Variants in DTL observed in about 807,000 individuals in gnomAD.
DTL encodes denticleless E3 ubiquitin protein ligase adapter.
In DTL, 46 loss-of-function variants were observed where a neutral mutation model predicts 87.0. The observed-to-expected ratio is 0.53, with a 90% CI of 0.42 to 0.68. The LOEUF (loss-of-function observed/expected upper bound fraction) is 0.68, where lower values mean the gene tolerates loss of function less well. Among genes scored for constraint, DTL ranks in the 30% least tolerant of loss-of-function variants. The pLI is 0.00. For synonymous variants in DTL, 308 were observed against 311.2 expected (o/e 0.99, Z 0.11); for missense variants, 737 against 869.4 (o/e 0.85, Z 1.91).
intron 12 of DTL, among the ~76,000 whole-genome samples, chr1:212,080,091 T>C (rs1236950672): frequency 6.6e-6 from 1 of 152,210 alleles, no homozygotes; most frequent in Non-Finnish European, 1.5e-5. Context: ...ATTGCTCCTC[T>C]ACCTATCTGA....
rs766301691 is a variant in DTL at position 212,042,999 on chromosome 1, C to T, written c.59C>T (p.Ser20Phe). 10 of 1,601,710 alleles carry T rather than the reference C, an allele frequency of 6.2e-6. No homozygotes were observed. Among genetic ancestry groups the T allele is most frequent in the Non-Finnish European group, 8.5e-6 (10 of 1,174,948 alleles). The change falls in exon 2 of 15, where the codon TCT becomes TTT. Residue 20 changes from serine to phenylalanine, a missense_variant. By Grantham distance (155) the Ser-to-Phe change is radical. Transcript: ENST00000366991. ...PQLGVLRNGW[S>F]SQYPLQSLLT... ...AGGAATTATCTTGTTTTAGGATGGT[C>T]TTCACAATACCCTCTTCAATCCCTT... is the stretch of plus-strand genomic sequence containing the variant.
intron 13 of DTL, among the ~76,000 whole-genome samples, chr1:212,091,817 A>T (rs536640938): frequency 3.9e-5 from 6 of 152,358 alleles, no homozygotes; most frequent in Non-Finnish European, 8.8e-5. Flanking sequence ...TTACCACAAA[A>T]ATATATGAAG....
intron 13 of DTL, among the ~76,000 whole-genome samples, chr1:212,083,569 GTAA>G (rs1407480241): frequency 6.6e-6 from 1 of 152,160 alleles, no homozygotes; most frequent in Non-Finnish European, 1.5e-5. Flanking sequence ...CCAGGTATTG[GTAA>G]TAATAAGGTA....
chr1:212,102,993 T>C lies in DTL; in HGVS notation c.*53T>C. Reference sequence around the variant, plus strand: ...TTGGTCCACTAAAACAAGCTGAGCTTTGGTCCACTAAAACAAGATGAAAAA... The same window carrying C: ...TTGGTCCACTAAAACAAGCTGAGCTCTGGTCCACTAAAACAAGATGAAAAA... On this transcript the variant is annotated 3_prime_UTR_variant, in exon 15 of 15. Coordinates refer to ENST00000366991, the MANE Select transcript of DTL (RefSeq NM_016448.4). The C allele has an allele frequency of 9.4e-7, 1 of 1,068,752 alleles. No individual in the cohort carries two copies. Among genetic ancestry groups the C allele is most frequent in the Non-Finnish European group, 1.4e-6 (1 of 713,000 alleles). 66.2% of individuals were successfully genotyped at this position (1,068,752 alleles called of 1,614,324 possible). A position where few individuals can be genotyped will look rare whatever the true frequency, so the allele number is the denominator to read the frequency against.
Position 212,101,099 on chromosome 1 carries a change from G to T in DTL, c.2094+15G>T. The T allele has an allele frequency of 6.4e-7, 1 of 1,560,978 alleles. No homozygotes were observed. Among genetic ancestry groups the T allele is most frequent in the South Asian group, 1.2e-5 (1 of 82,880 alleles). On this transcript the variant is annotated intron_variant, in intron 14 of 14. Coordinates refer to ENST00000366991, the MANE Select transcript of DTL (RefSeq NM_016448.4). Reference sequence around the variant, plus strand: ...TGCCAAGCCCGGTAAGTCAGCAGTGGTGGGAAGATACATTTCCTAACTTAA... The same window carrying T: ...TGCCAAGCCCGGTAAGTCAGCAGTGTTGGGAAGATACATTTCCTAACTTAA...
chr1:212,047,902 C>G (rs891501539), intron 5 of DTL, among the ~76,000 whole-genome samples: 1 of 152,224 alleles, frequency 6.6e-6, no homozygotes, highest in Non-Finnish European at 1.5e-5. Flanking sequence ...GCCCACTCTT[C>G]TGGACATTAT....
rs1208247948 is a variant in DTL at position 212,103,203 on chromosome 1, A to G, written c.*263A>G. The G allele has an allele frequency of 1.3e-5, 3 of 224,452 alleles. No individual in the cohort carries two copies. The highest frequency in any genetic ancestry group is 2.6e-5 in the Non-Finnish European group (3 of 115,860). The allele number at this position is 224,452 out of a possible 1,614,324, so 13.9% of individuals were successfully genotyped here. ...TTTGTCACTCTAGCATTTTGAATGA[A>G]TAGTCTTCACTTTTTAAATTATTCA... On this transcript the variant is annotated 3_prime_UTR_variant, in exon 15 of 15. Coordinates refer to ENST00000366991, the MANE Select transcript of DTL (RefSeq NM_016448.4).
intron 12 of DTL, 50 bp downstream of exon 12, chr1:212,078,312 G>T (rs746202613): frequency 8.4e-7 from 1 of 1,190,868 alleles, no homozygotes; most frequent in South Asian, 1.3e-5. Context: ...TCACAGGTTT[G>T]TAGGTTTTTC....
intron 11 of DTL, among the ~76,000 whole-genome samples, chr1:212,075,217 A>C (rs540463416): frequency 3.4e-4 from 52 of 152,316 alleles, no homozygotes; most frequent in Non-Finnish European, 6.3e-4. Context: ...ATGTTTCAGT[A>C]CACAAAATAA....
chr1:212,042,113 T>C (rs1381099922), intron 1 of DTL, among the ~76,000 whole-genome samples: 1 of 152,200 alleles, frequency 6.6e-6, no homozygotes, highest in African/African-American at 2.4e-5. Context: ...TTTCCTCCAA[T>C]GCTTATTGAA....
chr1:212,092,078 G>A (rs7520161), intron 13 of DTL, among the ~76,000 whole-genome samples: 139,583 of 152,260 alleles, frequency 0.92, 64,207 homozygotes, highest in East Asian at 1. Context: ...AGTGGTGTAC[G>A]CTGTAACCAA....
rs569352089 is a variant in DTL at position 212,064,356 on chromosome 1, C to T, written c.527-561C>T. 5.9e-5 allele frequency among the ~76,000 whole-genome samples: 9 copies of T among 152,284 alleles called. No homozygotes were observed. In the East Asian group the frequency reaches 1.7e-3, roughly 29 times the overall value. ...GGTACATTTGTTATAATCAGTTAAC[C>T]TATGTCAACACATGCTGTCACTCAG... On this transcript the variant is annotated intron_variant, in intron 6 of 14. Transcript: ENST00000366991.
At chr1:212,083,858 T>C (rs1157986697) in intron 13 of DTL, among the ~76,000 whole-genome samples, 4 of 152,140 alleles carry the variant, frequency 2.6e-5, no homozygotes, top group Non-Finnish European at 5.9e-5. Flanking sequence ...TTTCAATTAA[T>C]TACTGCTAGC....
intron 6 of DTL, among the ~76,000 whole-genome samples, chr1:212,063,453 T>G: frequency 6.6e-6 from 1 of 151,902 alleles, no homozygotes; most frequent in East Asian, 1.9e-4. Context: ...CATGCCTGGC[T>G]AATTTTTGTA....
intron 13 of DTL, among the ~76,000 whole-genome samples, chr1:212,095,031 T>C (rs1558091120): frequency 6.6e-6 from 1 of 152,192 alleles, no homozygotes; most frequent in African/African-American, 2.4e-5. Context: ...TCATATCATT[T>C]ACTAACAGTG....
chr1:212,037,541 T>TA (rs573716199), intron 1 of DTL, among the ~76,000 whole-genome samples: 193 of 152,340 alleles, frequency 1.3e-3, no homozygotes, highest in African/African-American at 4.4e-3. Flanking sequence ...ATAACTAAAC[T>TA]AACTCTACCA....
intron 13 of DTL, 92 bp downstream of exon 13, chr1:212,080,842 G>GT: frequency 7.2e-7 from 1 of 1,392,600 alleles, no homozygotes; most frequent in Admixed American, 2.2e-5. Context: ...TCTTGCTTTG[G>GT]TATGTTTTTA....
chr1:212,046,652 A>G (rs571145196), intron 3 of DTL, among the ~76,000 whole-genome samples: 1 of 152,324 alleles, frequency 6.6e-6, no homozygotes, highest in South Asian at 2.1e-4. Flanking sequence ...TGTATTCCAC[A>G]GTGTATATGT....
At chr1:212,065,059 C>A in intron 7 of DTL, 30 bp downstream of exon 7, 3 of 1,425,188 alleles carry the variant, frequency 2.1e-6, no homozygotes, top group East Asian at 2.3e-5. Context: ...TACATGTGTG[C>A]AGATCTTATC....
Sources: allele counts gnomAD v4.1 joint callset (sites outside exome capture counted in the v4.1 genomes callset), GRCh38; gene constraint gnomAD v4.1.1; transcripts MANE v1.5; gene names NCBI Gene and HGNC (gene_info 2026-07-23, HGNC 2026-07-21).